The following IDE variants were observed in gnomAD, a reference collection of about 807,000 sequenced individuals.
The protein encoded by IDE is insulin degrading enzyme.
Under a neutral mutation model 133.2 loss-of-function variants are expected in IDE, and 58 were observed. The observed-to-expected ratio is 0.44, with a 90% CI of 0.35 to 0.54. The LOEUF is 0.54. IDE is among the 20% of genes least tolerant of loss of function. The pLI is 0.00. For synonymous variants in IDE, 396 were observed against 421.3 expected (o/e 0.94, Z 0.73); for missense variants, 981 against 1,234.0 (o/e 0.79, Z 3.07).
chr10:92,476,060 T>C, intron 15 of IDE, 66 bp from the exon 16 acceptor site: 1 of 701,946 alleles, frequency 1.4e-6, no homozygotes, highest in Admixed American at 3.0e-5. Flanking sequence ...AATAAACGAC[T>C]TGATTTTTAA....
intron 7 of IDE, 29 bp from the exon 8 acceptor site, chr10:92,508,234 T>C (rs201308797): frequency 1.7e-4 from 270 of 1,549,334 alleles, no homozygotes; most frequent in Middle Eastern, 5.1e-4. Context: ...ATCAATACGA[T>C]TGATTGCATA....
chr10:92,535,889 A>G (rs932384239), intron 2 of IDE, among the ~76,000 whole-genome samples: 5 of 152,028 alleles, frequency 3.3e-5, no homozygotes, highest in African/African-American at 1.2e-4. Flanking sequence ...TACAAAAATT[A>G]GCTGGGCGTG....
chr10:92,490,304 A>G (rs936821606), intron 12 of IDE, among the ~76,000 whole-genome samples, 189 bp downstream of exon 12: 4 of 152,234 alleles, frequency 2.6e-5, no homozygotes. Context: ...GAAGGTGGCT[A>G]GAGTACCATG....
At chr10:92,472,883 G>A (rs1168996390) in intron 17 of IDE, among the ~76,000 whole-genome samples, 8 of 150,302 alleles carry the variant, frequency 5.3e-5, no homozygotes, top group African/African-American at 1.5e-4. Context: ...TGATCCGCCC[G>A]CCTCGGCCTC....
intron 12 of IDE, among the ~76,000 whole-genome samples, chr10:92,490,005 C>T (rs923528615): frequency 1.9e-4 from 29 of 152,300 alleles, no homozygotes; most frequent in Non-Finnish European, 3.7e-4. Flanking sequence ...ATTGTTTTAA[C>T]ATACCTTTTC....
chr10:92,472,805 A>AT (rs1252832779), intron 17 of IDE, among the ~76,000 whole-genome samples: 13 of 150,370 alleles, frequency 8.6e-5, no homozygotes, highest in African/African-American at 3.2e-4. Context: ...TGCCCAGCTA[A>AT]TTTTTGTATT....
chr10:92,476,552 C>A lies in IDE; in HGVS notation c.1885-558G>T, dbSNP rs558639016. ...AGGGTACCCAGGCTAGACTCAAACT[C>A]CTGAGCTCAAGTGAACCTCCTGCCT... On this transcript the variant is annotated intron_variant, in intron 15 of 24. Transcript: ENST00000265986. Among the ~76,000 whole-genome samples, 4 of 152,128 alleles carry A rather than the reference C, an allele frequency of 2.6e-5. No individual in the cohort carries two copies. The East Asian group carries it at 7.7e-4, about 29-fold the overall frequency.
At chr10:92,490,971 C>T (rs931567136) in intron 11 of IDE, among the ~76,000 whole-genome samples, 6 of 152,164 alleles carry the variant, frequency 3.9e-5, no homozygotes, top group Non-Finnish European at 8.8e-5. Context: ...GATGTAGTGG[C>T]TTATGCCTGA....
intron 4 of IDE, among the ~76,000 whole-genome samples, chr10:92,529,640 C>T (rs1424121155): frequency 1.3e-5 from 2 of 151,616 alleles, no homozygotes; most frequent in African/African-American, 2.4e-5. Flanking sequence ...CTTTGGGAGG[C>T]GAGGCAGGAA....
At chr10:92,513,647 A>G (rs1848745200) in intron 5 of IDE, among the ~76,000 whole-genome samples, 1 of 149,428 alleles carries the variant, frequency 6.7e-6, no homozygotes, top group South Asian at 2.1e-4. Flanking sequence ...CTTATATATA[A>G]TATACATATA....
At chr10:92,463,608 C>T (rs1845509872) in intron 21 of IDE, 123 bp downstream of exon 21, 3 of 864,702 alleles carry the variant, frequency 3.5e-6, no homozygotes, top group Admixed American at 4.5e-5. Context: ...CAGCCATCCC[C>T]CCACCCCAAC....
chr10:92,557,592 G>A (rs1188462632), intron 1 of IDE, among the ~76,000 whole-genome samples: 1 of 151,038 alleles, frequency 6.6e-6, no homozygotes, highest in Non-Finnish European at 1.5e-5. Flanking sequence ...CTCACCTTTT[G>A]ATCAATTTAT....
At chr10:92,563,664 C>T (rs1361783820) in intron 1 of IDE, among the ~76,000 whole-genome samples, 23 of 151,764 alleles carry the variant, frequency 1.5e-4, no homozygotes, top group Admixed American at 1.4e-3. Context: ...GGCAGAGAAT[C>T]GCTTCAACCT....
At chr10:92,495,449 G>A (rs1160901199) in intron 11 of IDE, among the ~76,000 whole-genome samples, 1 of 151,944 alleles carries the variant, frequency 6.6e-6, no homozygotes, top group Non-Finnish European at 1.5e-5. Context: ...TCAAACTCCC[G>A]ACCTTGTGAT....
chr10:92,567,967 T>A (rs1400093934), intron 1 of IDE, among the ~76,000 whole-genome samples: 1 of 152,170 alleles, frequency 6.6e-6, no homozygotes, highest in African/African-American at 2.4e-5. Context: ...AGATCCTGTC[T>A]CCAAAAAATA....
chr10:92,531,879 C>T lies in IDE; in HGVS notation c.530G>A (p.Ser177Asn). 6.4e-7 allele frequency: 1 copy of T among 1,570,328 alleles called. No homozygotes were observed. Among genetic ancestry groups the T allele is most frequent in the Non-Finnish European group, 8.7e-7 (1 of 1,154,122 alleles). Reference protein sequence around the residue: ...QFFLCPLFDESCKDREVNAVD... With the variant: ...QFFLCPLFDENCKDREVNAVD... ...TGCATTCACCTCTCTGTCTTTGCAA[C>T]TTTCATCGAACAAGGGGCACAGAAA... The change falls in exon 4 of 25, where the codon AGT becomes AAT. Residue 177 changes from serine to asparagine, a missense_variant. Physicochemically the swap from Ser to Asn is conservative, Grantham distance 46. Coordinates refer to ENST00000265986, the MANE Select transcript of IDE (RefSeq NM_004969.4).
At chr10:92,493,606 GA>G (rs1047878338) in intron 11 of IDE, among the ~76,000 whole-genome samples, 2 of 151,748 alleles carry the variant, frequency 1.3e-5, no homozygotes, top group African/African-American at 4.8e-5. Context: ...AAAAGGAGGG[GA>G]AAAAGGCAGA....
chr10:92,471,982 C>A (rs1845991445), intron 17 of IDE, among the ~76,000 whole-genome samples: 1 of 152,132 alleles, frequency 6.6e-6, no homozygotes, highest in African/African-American at 2.4e-5. Context: ...TGCTGCTGGA[C>A]CACACTGAAC....
At chr10:92,546,693 T>C (rs775632063) in intron 1 of IDE, among the ~76,000 whole-genome samples, 1 of 152,230 alleles carries the variant, frequency 6.6e-6, no homozygotes, top group Admixed American at 6.5e-5. Flanking sequence ...ACTAAGTTAA[T>C]TCAGTATGCT....
Sources: allele counts gnomAD v4.1 joint callset (sites outside exome capture counted in the v4.1 genomes callset), GRCh38; gene constraint gnomAD v4.1.1; transcripts MANE v1.5; gene names NCBI Gene and HGNC (gene_info 2026-07-23, HGNC 2026-07-21).